Variants in NR3C2 observed in about 807,000 individuals in gnomAD.
NR3C2 encodes the protein mineralocorticoid receptor.
In NR3C2, 15 loss-of-function variants were observed where a neutral mutation model predicts 86.4. The ratio of observed to expected loss-of-function variants is 0.17; its 90% CI spans 0.12 to 0.27. NR3C2 has a LOEUF of 0.27. NR3C2 is among the 10% of genes least tolerant of loss of function. The pLI is 1.00. For synonymous variants in NR3C2, 458 were observed against 450.5 expected, an observed-to-expected ratio of 1.02 and a Z score of -0.21; for missense variants, 960 against 1,195.6, an observed-to-expected ratio of 0.80 and a Z score of 2.91.
chr4:148,137,200 G>A (rs1733387637), intron 6 of NR3C2, among the ~76,000 whole-genome samples: 1 of 152,068 alleles, frequency 6.6e-6, no homozygotes, highest in South Asian at 2.1e-4. Flanking sequence ...GGAAGGTAGA[G>A]GGGACCTGTA....
At chr4:148,196,273 G>A (rs536449074) in intron 3 of NR3C2, among the ~76,000 whole-genome samples, 1 of 152,334 alleles carries the variant, frequency 6.6e-6, no homozygotes, top group East Asian at 1.9e-4. Flanking sequence ...GACAGAAGGA[G>A]CCAGTGGTTT....
chr4:148,226,571 C>T (rs1439577194), intron 3 of NR3C2, among the ~76,000 whole-genome samples: 1 of 151,992 alleles, frequency 6.6e-6, no homozygotes, highest in East Asian at 1.9e-4. Context: ...GGATAAATAC[C>T]TGGGAGTGGA....
chr4:148,270,003 A>G (rs770137693), intron 2 of NR3C2, among the ~76,000 whole-genome samples: 7 of 152,272 alleles, frequency 4.6e-5, no homozygotes, highest in Non-Finnish European at 1.0e-4. Context: ...ATGGCATGAG[A>G]CGCTGAGGAC....
intron 2 of NR3C2, among the ~76,000 whole-genome samples, chr4:148,333,536 T>TAAAAAAAAAAAAAAA (rs372805275): frequency 2.4e-4 from 36 of 151,662 alleles, no homozygotes; most frequent in East Asian, 5.8e-4. Context: ...AAAGTCTCCT[T>TAAAAAAAAAAAAAAA]AAAATCTCCC....
At chr4:148,433,454 T>C (rs1057402272) in intron 2 of NR3C2, among the ~76,000 whole-genome samples, 1 of 152,104 alleles carries the variant, frequency 6.6e-6, no homozygotes, top group African/African-American at 2.4e-5. Context: ...TGGAATTTCA[T>C]ACAATGAAGA....
chr4:148,124,176 T>C (rs1045625208), intron 6 of NR3C2, among the ~76,000 whole-genome samples: 4 of 152,080 alleles, frequency 2.6e-5, no homozygotes, highest in Non-Finnish European at 1.5e-5. Context: ...GGTGGAGTAA[T>C]AGTGAGCCAA....
intron 8 of NR3C2, among the ~76,000 whole-genome samples, chr4:148,104,342 G>GTTTGGTT (rs1553985382): frequency 1.6e-5 from 1 of 63,794 alleles, no homozygotes; most frequent in Non-Finnish European, 3.2e-5. Flanking sequence ...TTTTGGTTTG[G>GTTTGGTT]TTTTTTTTTT....
At chr4:148,240,220 A>G (rs1340604422) in intron 3 of NR3C2, among the ~76,000 whole-genome samples, 1 of 143,092 alleles carries the variant, frequency 7.0e-6, no homozygotes, top group Non-Finnish European at 1.5e-5. Context: ...AGATTATCAG[A>G]TATTTTATAT....
chr4:148,262,578 C>T (rs909443762), intron 2 of NR3C2, among the ~76,000 whole-genome samples: 2 of 152,076 alleles, frequency 1.3e-5, no homozygotes, highest in African/African-American at 4.8e-5. Flanking sequence ...GGAACTGTGT[C>T]CCCCAAAAAT....
intron 2 of NR3C2, among the ~76,000 whole-genome samples, chr4:148,390,331 G>A (rs1260417227): frequency 6.6e-6 from 1 of 151,982 alleles, no homozygotes; most frequent in East Asian, 1.9e-4. Flanking sequence ...TTCTTCTCTA[G>A]TCTTTTCCAA....
rs191629522 is a variant in NR3C2 at position 148,300,838 on chromosome 4, T to C, written c.1758-40721A>G. Among the ~76,000 whole-genome samples the C allele has an allele frequency of 2.0e-4, 31 of 152,208 alleles. No individual in the cohort carries two copies. In the East Asian group the frequency reaches 5.4e-3, roughly 27 times the overall value. The stretch of plus-strand genomic sequence containing the variant: ...CCACCCACCTTGGCCTCCCAAAGTG[T>C]TGGGATTACAGGCATGAGCCACCGC... On this transcript the variant is annotated intron_variant, in intron 2 of 8. Transcript: ENST00000358102.
chr4:148,265,195 C>A (rs1740314012), intron 2 of NR3C2, among the ~76,000 whole-genome samples: 1 of 152,116 alleles, frequency 6.6e-6, no homozygotes, highest in Admixed American at 6.5e-5. Context: ...CACAAGCAAG[C>A]TGCAACTATT....
intron 3 of NR3C2, among the ~76,000 whole-genome samples, chr4:148,198,484 A>C (rs1736543599): frequency 6.6e-6 from 1 of 152,158 alleles, no homozygotes; most frequent in African/African-American, 2.4e-5. Context: ...AAGCACAATG[A>C]AAAGGGGACC....
At chr4:148,428,188 A>C (rs1749640296) in intron 2 of NR3C2, among the ~76,000 whole-genome samples, 2 of 152,192 alleles carry the variant, frequency 1.3e-5, no homozygotes, top group African/African-American at 4.8e-5. Context: ...TGGGAGTAGA[A>C]TCCTGCCCTT....
At chr4:148,298,920 G>A (rs1372595669) in intron 2 of NR3C2, among the ~76,000 whole-genome samples, 1 of 152,202 alleles carries the variant, frequency 6.6e-6, no homozygotes, top group Admixed American at 6.5e-5. Flanking sequence ...GGCCTTGTCT[G>A]GGTGTGCCTG....
At chr4:148,253,145 C>A (rs747650866) in intron 3 of NR3C2, among the ~76,000 whole-genome samples, 1 of 152,156 alleles carries the variant, frequency 6.6e-6, no homozygotes, top group South Asian at 2.1e-4. Flanking sequence ...GAAACAAGGG[C>A]GAACCCCATT....
At chr4:148,441,647 C>T (rs1315874750) in intron 1 of NR3C2, among the ~76,000 whole-genome samples, 1 of 152,152 alleles carries the variant, frequency 6.6e-6, no homozygotes, top group Non-Finnish European at 1.5e-5. Flanking sequence ...CCAACTGATG[C>T]CATAGGAAGC....
chr4:148,333,093 C>G (rs1029672259), intron 2 of NR3C2, among the ~76,000 whole-genome samples: 4 of 151,770 alleles, frequency 2.6e-5, no homozygotes, highest in Non-Finnish European at 5.9e-5. Flanking sequence ...AGGAAAAACC[C>G]CCTTTCTACT....
intron 3 of NR3C2, among the ~76,000 whole-genome samples, chr4:148,234,168 A>G (rs796243940): frequency 2.4e-4 from 37 of 152,342 alleles, no homozygotes; most frequent in African/African-American, 8.4e-4. Context: ...CATGCTAAGC[A>G]TCCTAACATA....
Sources: allele counts gnomAD v4.1 joint callset (sites outside exome capture counted in the v4.1 genomes callset), GRCh38; gene constraint gnomAD v4.1.1; transcripts MANE v1.5; gene names NCBI Gene and HGNC (gene_info 2026-07-23, HGNC 2026-07-21).